Variants in RPL17 observed in about 807,000 individuals in gnomAD.
RPL17 encodes large ribosomal subunit protein uL22.
A neutral mutation model predicts 27.7 loss-of-function variants in RPL17; 2 were observed. The ratio of observed to expected loss-of-function variants is 0.07; its 90% CI spans 0.03 to 0.23. The LOEUF is 0.23. RPL17 is among the 10% of genes least tolerant of loss of function. The probability of loss-of-function intolerance (pLI) is 1.00; values close to 1 mark genes in which losing one functional copy is unlikely to be tolerated. For missense variants in RPL17, 141 were observed against 238.8 expected (o/e 0.59, Z 2.70); for synonymous variants, 76 against 75.5 (o/e 1.01, Z -0.03).
chr18:49,489,830 G>T (rs1378980286), intron 5 of RPL17, among the ~76,000 whole-genome samples: 1 of 152,162 alleles, frequency 6.6e-6, no homozygotes, highest in African/African-American at 2.4e-5. Context: ...GAGCTGAGGG[G>T]TAAGGAAGAA....
chr18:49,490,678 T>C (rs1019717793), intron 4 of RPL17, 115 bp downstream of exon 4: 1 of 1,587,632 alleles, frequency 6.3e-7, no homozygotes, highest in African/African-American at 1.3e-5. Flanking sequence ...CAAGGTGTCC[T>C]GTCATTACAG....
At position 49,490,818 on chromosome 18, in the gene RPL17, T is replaced by C. The variant is rs376740476; in HGVS notation, c.191A>G (p.Asn64Ser). 2.1e-5 allele frequency: 34 copies of C among 1,612,940 alleles called. No individual in the cohort carries two copies. The highest frequency in any genetic ancestry group is 1.9e-4 in the Middle Eastern group (1 of 5,318). ...QKQCVPFRRYNGGVGRCAQAK... is the reference protein window; with the variant it reads ...QKQCVPFRRYSGGVGRCAQAK... ...CTGCGCACACCTGCCAACTCCACCA[T>C]TGTAACGTCGGAATGGTACACACTG... The change falls in exon 4 of 7, where the codon AAT becomes AGT. Residue 64 changes from asparagine to serine, a missense_variant. Coordinates refer to ENST00000580261, the MANE Select transcript of RPL17 (RefSeq NM_001035006.5).
At position 49,491,549 on chromosome 18, in the gene RPL17, G is replaced by A. The variant is rs2084078071; in HGVS notation, c.23C>T (p.Pro8Leu). 1.9e-6 allele frequency: 3 copies of A among 1,614,062 alleles called. No homozygotes were observed. Among genetic ancestry groups the A allele is most frequent in the Admixed American group, 1.7e-5 (1 of 59,992 alleles). Residue 8 changes from proline to leucine, a missense_variant, in exon 2 of 7, where the codon CCG becomes CTG. By Grantham distance (98) the Pro-to-Leu change is moderately conservative. Around this residue, in one of 2 missense-constraint regions of RPL17, gnomAD observed 107 missense variants for 150.1 expected, o/e 0.71. Coordinates refer to ENST00000580261, the MANE Select transcript of RPL17 (RefSeq NM_001035006.5). MVRYSLD[P>L]ENPTKSCKSR... ...CCACTTACATTTCGTGGGGTTCTCC[G>A]GGTCAAGTGAATAGCGAACCATTTT...
intron 5 of RPL17, 45 bp downstream of exon 5, chr18:49,490,409 T>A (rs769643629): frequency 1.3e-5 from 21 of 1,597,450 alleles, no homozygotes; most frequent in Non-Finnish European, 1.8e-5. Flanking sequence ...CCAACATTAA[T>A]TAAACAACCA....
intron 3 of RPL17, 166 bp downstream of exon 3, chr18:49,491,239 G>A (rs566422439): frequency 8.6e-6 from 10 of 1,161,664 alleles, no homozygotes; most frequent in African/African-American, 4.5e-5. Flanking sequence ...TTTCACAAAC[G>A]CTACATCCTT....
chr18:49,491,282 G>A, intron 3 of RPL17, 123 bp downstream of exon 3: 1 of 1,423,474 alleles, frequency 7.0e-7, no homozygotes, highest in Non-Finnish European at 9.9e-7. Flanking sequence ...AATATAAGGT[G>A]GCTGCTCAGA....
At chr18:49,489,122 C>T (rs2083873460) in intron 6 of RPL17, 1 of 412,278 alleles carries the variant, frequency 2.4e-6, no homozygotes, top group Non-Finnish European at 4.5e-6. Flanking sequence ...AGGATGGTCT[C>T]GATCTCCTGA....
intron 1 of RPL17, 80 bp downstream of exon 1, chr18:49,492,365 TCCCGGGGGCCTGG>T (rs1182871839): frequency 1.3e-5 from 2 of 152,124 alleles, no homozygotes; most frequent in Non-Finnish European, 2.9e-5. Context: ...GGAGTTCTCC[TCCCGGGGGCCTGG>T]AGGCCGGCGC....
chr18:49,489,289 T>G (rs777898961), intron 6 of RPL17, 70 bp downstream of exon 6: 11 of 1,542,668 alleles, frequency 7.1e-6, no homozygotes, highest in Admixed American at 3.4e-5. Context: ...AAAGGTGTCC[T>G]AAGATAGTCA....
At position 49,488,489 on chromosome 18, in the gene RPL17, C is replaced by A; in HGVS notation, c.*30G>T. ...AATAAAGACAACCAACATTCTTTTC[C>A]TTTTAATTACATTTATTTTAATGCT... On this transcript the variant is annotated 3_prime_UTR_variant, in exon 7 of 7. Transcript: ENST00000580261. 1 of 1,266,672 alleles carries A rather than the reference C, an allele frequency of 7.9e-7. No individual in the cohort carries two copies. The highest frequency in any genetic ancestry group is 1.2e-6 in the Non-Finnish European group (1 of 864,082). 78.5% of individuals were successfully genotyped at this position (1,266,672 alleles called of 1,614,324 possible). A position where few individuals can be genotyped will look rare whatever the true frequency, so the allele number is the denominator to read the frequency against.
chr18:49,490,403 CATTA>C lies in RPL17; in HGVS notation c.315+47_315+50del, dbSNP rs974694788. 8.1e-5 allele frequency: 128 copies of C among 1,585,912 alleles called. No homozygotes were observed. In the African/African-American group the frequency reaches 1.4e-3, roughly 17 times the overall value. ...CAAGGACATAAATCTGAACAGCCAACATTAATTAAACAACCACCCAAGTTGCACA... is the reference window on the plus strand; with the variant it reads ...CAAGGACATAAATCTGAACAGCCAACATTAAACAACCACCCAAGTTGCACA... On this transcript the variant is annotated intron_variant, in intron 5 of 6. Coordinates refer to ENST00000580261, the MANE Select transcript of RPL17 (RefSeq NM_001035006.5).
chr18:49,491,473 T>C, intron 2 of RPL17, 28 bp from the exon 3 acceptor site: 1 of 1,614,122 alleles, frequency 6.2e-7, no homozygotes, highest in Non-Finnish European at 8.5e-7. Context: ...TTGGTTAATT[T>C]TTGGTATCTT....
At chr18:49,490,329 G>A in intron 5 of RPL17, 125 bp downstream of exon 5, 5 of 1,011,622 alleles carry the variant, frequency 4.9e-6, no homozygotes, top group Non-Finnish European at 5.7e-6. Flanking sequence ...GGAAACTGCA[G>A]GTAGAAATTT....
At chr18:49,491,342 C>A in intron 3 of RPL17, 63 bp downstream of exon 3, 1 of 1,611,986 alleles carries the variant, frequency 6.2e-7, no homozygotes, top group East Asian at 2.2e-5. Flanking sequence ...AAAGTCATCA[C>A]TGCAGCTACC....
chr18:49,489,253 G>C (rs1415636736), intron 6 of RPL17, 106 bp downstream of exon 6: 1 of 1,271,254 alleles, frequency 7.9e-7, no homozygotes, highest in Non-Finnish European at 1.1e-6. Flanking sequence ...GGGTTGCTCA[G>C]AATAGTTTTC....
intron 1 of RPL17, chr18:49,492,038 C>A (rs1398767736): frequency 9.2e-6 from 3 of 326,552 alleles, no homozygotes; most frequent in Non-Finnish European, 1.2e-5. Flanking sequence ...TTTAAGAGCC[C>A]TCCTGTACGC....
rs1379753320 is a variant in RPL17 at position 49,491,900 on chromosome 18, C to T, written c.-13-316G>A. ...CTTCCAGGCGTAAAATGACTCGACG[C>T]ATCCGCAGGGCACAACTCAACCGTA... On this transcript the variant is annotated intron_variant, in intron 1 of 6. Transcript: ENST00000580261. 2.0e-5 allele frequency: 9 copies of T among 458,710 alleles called. No homozygotes were observed. The East Asian group carries it at 4.4e-4, about 22-fold the overall frequency. 28.4% of individuals were successfully genotyped at this position (458,710 alleles called of 1,614,324 possible). A position where few individuals can be genotyped will look rare whatever the true frequency, so the allele number is the denominator to read the frequency against.
rs2084076940 is a variant in RPL17, at chr18:49,491,526, A to G, written c.40+6T>C. On this transcript the variant is annotated splice_donor_region_variant and intron_variant, in intron 2 of 6. Transcript: ENST00000580261. ...GGAAATGGGTATCTACCTCCTGTCC[A>G]CTTACATTTCGTGGGGTTCTCCGGG... 6.2e-7 allele frequency: 1 copy of G among 1,614,086 alleles called. No homozygotes were observed. The highest frequency in any genetic ancestry group is 1.1e-5 in the South Asian group (1 of 91,092).
Position 49,491,627 on chromosome 18 carries a change from G to T in RPL17, c.-13-43C>A, listed in dbSNP as rs904648430. 4 of 1,600,646 alleles carry T rather than the reference G, an allele frequency of 2.5e-6. No individual in the cohort carries two copies. In the African/African-American group the frequency reaches 5.4e-5, roughly 21 times the overall value. On this transcript the variant is annotated intron_variant, in intron 1 of 6. Transcript: ENST00000580261. ...GTAATTCTGTCAATACGTACTTACA[G>T]TAACTCATTCAGTATAAATATCAGA...
Sources: gnomAD v4.1 joint callset for allele counts (sites outside exome capture counted in the v4.1 genomes callset) on GRCh38, gnomAD v4.1.1 for gene constraint, gnomAD v4.1.1 regional missense constraint, MANE v1.5 for transcripts, NCBI Gene and HGNC (gene_info 2026-07-23, HGNC 2026-07-21) for gene names.